The following SLC39A14 variants were observed in gnomAD, a reference collection of about 807,000 sequenced individuals.
The protein encoded by SLC39A14 is metal cation symporter ZIP14.
In SLC39A14, 19 loss-of-function variants were observed where a neutral mutation model predicts 45.5. The observed-to-expected ratio is 0.42, with a 90% CI of 0.29 to 0.61. The LOEUF (loss-of-function observed/expected upper bound fraction) is 0.61. SLC39A14 is among the 20% of genes least tolerant of loss of function. The pLI is 0.22. For synonymous variants in SLC39A14, 264 were observed against 251.3 expected, an observed-to-expected ratio of 1.05 and a Z score of -0.48; for missense variants, 447 against 616.5, an observed-to-expected ratio of 0.73 and a Z score of 2.91.
At chr8:22,375,560 A>G (rs2132169640) in intron 1 of SLC39A14, among the ~76,000 whole-genome samples, 1 of 151,646 alleles carries the variant, frequency 6.6e-6, no homozygotes, top group Admixed American at 6.6e-5. Flanking sequence ...ATCTCGGCTC[A>G]CTGCAACCTC....
chr8:22,373,713 CAG>C (rs1216828169), intron 1 of SLC39A14, among the ~76,000 whole-genome samples: 7 of 151,770 alleles, frequency 4.6e-5, no homozygotes, highest in Non-Finnish European at 8.8e-5. Flanking sequence ...TCTCAGAAGT[CAG>C]ACATTTTTCT....
chr8:22,378,580 C>T (rs564834653), intron 1 of SLC39A14, among the ~76,000 whole-genome samples: 4 of 152,348 alleles, frequency 2.6e-5, no homozygotes, highest in African/African-American at 9.6e-5. Flanking sequence ...GTGACACAGC[C>T]TGTCTCCCAC....
chr8:22,377,762 A>G (rs915558160), intron 1 of SLC39A14, among the ~76,000 whole-genome samples: 8 of 151,904 alleles, frequency 5.3e-5, no homozygotes, highest in African/African-American at 1.9e-4. Flanking sequence ...ATTTGACTCA[A>G]CTCGCCTTTG....
chr8:22,422,395 G>A lies in SLC39A14; in HGVS notation c.*2697G>A. Reference sequence around the variant, plus strand: ...GGTCCTTAACCTTGGGTTTTAAAAAGAAGGCTTCTCTGTTTGGGTAGCGTA... The same window carrying A: ...GGTCCTTAACCTTGGGTTTTAAAAAAAAGGCTTCTCTGTTTGGGTAGCGTA... On this transcript the variant is annotated 3_prime_UTR_variant, in exon 9 of 9. Coordinates refer to ENST00000381237, the MANE Select transcript of SLC39A14 (RefSeq NM_001128431.4). 1.0e-6 allele frequency: 1 copy of A among 985,856 alleles called. No individual in the cohort carries two copies. Among genetic ancestry groups the A allele is most frequent in the Non-Finnish European group, 1.2e-6 (1 of 829,932 alleles). The allele number at this position is 985,856 out of a possible 1,614,324, so 61.1% of individuals were successfully genotyped here.
intron 1 of SLC39A14, among the ~76,000 whole-genome samples, chr8:22,391,947 C>CAGT (rs775404860): frequency 4.6e-5 from 7 of 152,352 alleles, no homozygotes; most frequent in Non-Finnish European, 1.0e-4. Flanking sequence ...TTCTCTGTCT[C>CAGT]TAGCACATTA....
Position 22,420,483 on chromosome 8 carries a change from GA to G in SLC39A14, c.*789del. On this transcript the variant is annotated 3_prime_UTR_variant, in exon 9 of 9. Transcript: ENST00000381237. ...GAATGGAGGCTCAGGCTGTCTGCAA[GA>G]AAACAGTTGGTTTGGCTGTGATTTT... The G allele has an allele frequency of 2.0e-6, 2 of 985,476 alleles. No individual in the cohort carries two copies. The highest frequency in any genetic ancestry group is 2.4e-6 in the Non-Finnish European group (2 of 829,958). The allele number at this position is 985,476 out of a possible 1,614,324, so 61.0% of individuals were successfully genotyped here.
At chr8:22,384,561 A>G (rs1343163182) in intron 1 of SLC39A14, among the ~76,000 whole-genome samples, 1 of 151,986 alleles carries the variant, frequency 6.6e-6, no homozygotes, top group Admixed American at 6.6e-5. Flanking sequence ...CAGCCTGGCC[A>G]ACATGGCTAA....
chr8:22,434,051 T>C (rs74841576), exon 9 of SLC39A14: 6,387 of 212,602 alleles, frequency 0.03, 419 homozygotes, highest in African/African-American at 0.14. Flanking sequence ...TGTATATATA[T>C]GGTTATATTT....
chr8:22,395,240 C>T (rs924510159), intron 1 of SLC39A14, among the ~76,000 whole-genome samples: 5 of 152,090 alleles, frequency 3.3e-5, no homozygotes, highest in African/African-American at 1.2e-4. Flanking sequence ...GAACTCCTGA[C>T]CTCAAGTGAG....
chr8:22,401,113 G>A (rs1834827141), intron 1 of SLC39A14, among the ~76,000 whole-genome samples: 1 of 152,204 alleles, frequency 6.6e-6, no homozygotes, highest in South Asian at 2.1e-4. Flanking sequence ...TTCAAGGTAG[G>A]TTTGTCTGAC....
At chr8:22,390,030 G>A (rs1306631450) in intron 1 of SLC39A14, 1 of 157,164 alleles carries the variant, frequency 6.4e-6, no homozygotes, top group Admixed American at 6.4e-5. Flanking sequence ...CGCGTTCCAG[G>A]AAGCGGTCTT....
At chr8:22,393,192 C>A in intron 1 of SLC39A14, 1 of 985,644 alleles carries the variant, frequency 1.0e-6, no homozygotes, top group South Asian at 4.7e-5. Context: ...GGCGAAGGTC[C>A]TGGGAGCAGG....
At chr8:22,431,368 A>C (rs1213505706) in intron 8 of SLC39A14, among the ~76,000 whole-genome samples, 2 of 152,170 alleles carry the variant, frequency 1.3e-5, no homozygotes, top group East Asian at 3.8e-4. Flanking sequence ...AGAAATGCTC[A>C]TTTTACTATG....
rs1836188556 is a variant in SLC39A14, at chr8:22,420,903, A to G, written c.*1205A>G. ...GTCTAGGTTACTGCTTCCTTGCAAA[A>G]AAAGTCGAATCCTGCATTGAATTGA... On this transcript the variant is annotated 3_prime_UTR_variant, in exon 9 of 9. Coordinates refer to ENST00000381237, the MANE Select transcript of SLC39A14 (RefSeq NM_001128431.4). The G allele has an allele frequency of 2.2e-5, 22 of 985,592 alleles. No homozygotes were observed. The highest frequency in any genetic ancestry group is 2.4e-5 in the Non-Finnish European group (20 of 829,946). 61.1% of individuals were successfully genotyped at this position (985,592 alleles called of 1,614,324 possible). A position where few individuals can be genotyped will look rare whatever the true frequency, so the allele number is the denominator to read the frequency against.
chr8:22,371,279 G>T (rs28463766), intron 1 of SLC39A14, among the ~76,000 whole-genome samples: 7,100 of 152,098 alleles, frequency 0.047, 562 homozygotes, highest in African/African-American at 0.16. Flanking sequence ...CTTGGGGCTT[G>T]GTGGAATGAG....
chr8:22,372,964 T>TA (rs796821580), intron 1 of SLC39A14, among the ~76,000 whole-genome samples: 2,698 of 147,388 alleles, frequency 0.018, 68 homozygotes, highest in African/African-American at 0.058. Flanking sequence ...ACGTTAACAT[T>TA]AAAAAAAAAA....
intron 1 of SLC39A14, among the ~76,000 whole-genome samples, chr8:22,399,214 T>TGGGGCCATGCGCGC (rs946860119): frequency 6.6e-6 from 1 of 152,132 alleles, no homozygotes; most frequent in Non-Finnish European, 1.5e-5. Flanking sequence ...CTCCTGCAGC[T>TGGGGCCATGCGCGC]GGGGCCATGC....
intron 1 of SLC39A14, among the ~76,000 whole-genome samples, chr8:22,371,947 G>A (rs1173984376): frequency 6.6e-5 from 10 of 151,658 alleles, no homozygotes; most frequent in Non-Finnish European, 1.5e-4. Context: ...GTTTCACCAT[G>A]TTGGCCAGGC....
intron 8 of SLC39A14, among the ~76,000 whole-genome samples, chr8:22,418,738 A>G (rs7000551): frequency 0.34 from 51,581 of 151,974 alleles, 9,481 homozygotes; most frequent in East Asian, 0.6. Flanking sequence ...TATGCTGCCT[A>G]GGCTGGTCTT....
Sources: allele counts gnomAD v4.1 joint callset (sites outside exome capture counted in the v4.1 genomes callset), GRCh38; gene constraint gnomAD v4.1.1; transcripts MANE v1.5; gene names NCBI Gene and HGNC (gene_info 2026-07-23, HGNC 2026-07-21).